MEOX2: variants seen among roughly 807,000 people sequenced by gnomAD.
The protein encoded by MEOX2 is mesenchyme homeobox 2.
MEOX2 carries 11 observed loss-of-function variants against 27.0 expected under a neutral mutation model. That is an observed-to-expected ratio of 0.41 (90% CI 0.26 to 0.68). The LOEUF is 0.68. Among genes scored for constraint, MEOX2 ranks in the 30% least tolerant of loss-of-function variants. MEOX2 has a pLI of 0.33. For missense variants in MEOX2, 436 were observed against 385.4 expected, an observed-to-expected ratio of 1.13 and a Z score of -1.10; for synonymous variants, 189 against 155.4, an observed-to-expected ratio of 1.22 and a Z score of -1.61.
chr7:15,652,958 A>G (rs1379097369), intron 1 of MEOX2, among the ~76,000 whole-genome samples: 1 of 152,064 alleles, frequency 6.6e-6, no homozygotes, highest in East Asian at 1.9e-4. Context: ...AGATATTTGT[A>G]TAAACATGTT....
intron 1 of MEOX2, among the ~76,000 whole-genome samples, chr7:15,662,579 T>C (rs1781934507): frequency 6.6e-6 from 1 of 152,084 alleles, no homozygotes; most frequent in Non-Finnish European, 1.5e-5. Context: ...GGCAATATAA[T>C]TTTTCAAGGT....
intron 1 of MEOX2, among the ~76,000 whole-genome samples, chr7:15,658,136 C>A (rs2115381601): frequency 6.6e-6 from 1 of 152,332 alleles, no homozygotes; most frequent in Non-Finnish European, 1.5e-5. Context: ...AAAGTAGAGA[C>A]TTTCTACGAG....
intron 1 of MEOX2, among the ~76,000 whole-genome samples, chr7:15,657,057 T>C (rs1040569032): frequency 2.6e-5 from 4 of 152,180 alleles, no homozygotes; most frequent in African/African-American, 4.8e-5. Context: ...AAATTTACTA[T>C]CATTGAAAAA....
chr7:15,649,712 G>A (rs570019322), intron 1 of MEOX2, among the ~76,000 whole-genome samples: 3 of 152,128 alleles, frequency 2.0e-5, no homozygotes, highest in East Asian at 1.9e-4. Context: ...GCTGAGGGAC[G>A]AAGTTGAACA....
At chr7:15,676,218 T>C (rs1782189833) in intron 1 of MEOX2, 1 of 152,186 alleles carries the variant, frequency 6.6e-6, no homozygotes, top group Non-Finnish European at 1.5e-5. Flanking sequence ...GTATTAAATA[T>C]GCAAATGTGA....
chr7:15,666,845 C>T (rs1782016341), intron 1 of MEOX2, among the ~76,000 whole-genome samples: 1 of 136,040 alleles, frequency 7.4e-6, no homozygotes, highest in African/African-American at 2.9e-5. Context: ...CAAGAATATC[C>T]TAGGAATAGA....
intron 1 of MEOX2, among the ~76,000 whole-genome samples, chr7:15,656,188 C>T (rs1211916442): frequency 3.3e-5 from 5 of 151,582 alleles, no homozygotes; most frequent in Non-Finnish European, 4.4e-5. Context: ...TTAAAGTTTG[C>T]CTGGTAAATC....
chr7:15,677,891 G>C (rs544054489), intron 1 of MEOX2, among the ~76,000 whole-genome samples: 1 of 152,274 alleles, frequency 6.6e-6, no homozygotes, highest in Non-Finnish European at 1.5e-5. Flanking sequence ...ATATGCAAAA[G>C]TGTTGCCACT....
At chr7:15,667,989 G>T (rs1225514983) in intron 1 of MEOX2, 1 of 152,010 alleles carries the variant, frequency 6.6e-6, no homozygotes, top group Admixed American at 6.6e-5. Flanking sequence ...CCATCCCCTT[G>T]GAATAACATA....
chr7:15,632,429 T>C (rs181401108), intron 1 of MEOX2, among the ~76,000 whole-genome samples: 2 of 151,992 alleles, frequency 1.3e-5, no homozygotes, highest in South Asian at 4.1e-4. Flanking sequence ...GAATTTATTA[T>C]TATGTAATGC....
At chr7:15,631,349 C>T (rs1781398542) in intron 1 of MEOX2, among the ~76,000 whole-genome samples, 1 of 151,714 alleles carries the variant, frequency 6.6e-6, no homozygotes, top group African/African-American at 2.4e-5. Context: ...GTCTAATATG[C>T]TTTCGGGGAG....
chr7:15,630,739 C>T (rs767900562), intron 1 of MEOX2, among the ~76,000 whole-genome samples: 9 of 152,016 alleles, frequency 5.9e-5, no homozygotes, highest in Non-Finnish European at 1.2e-4. Context: ...ATAATTTTTA[C>T]GTAGGCATAG....
At chr7:15,648,017 C>T (rs1452531146) in intron 1 of MEOX2, among the ~76,000 whole-genome samples, 4 of 151,900 alleles carry the variant, frequency 2.6e-5, no homozygotes, top group Admixed American at 1.3e-4. Context: ...GGGAATCTGG[C>T]CTTCAATATG....
At chr7:15,681,516 C>T (rs1265657087) in intron 1 of MEOX2, 1 of 151,646 alleles carries the variant, frequency 6.6e-6, no homozygotes, top group African/African-American at 2.4e-5. Flanking sequence ...ATGGAATTCA[C>T]CTCCCAAATT....
rs188865953 is a variant in MEOX2 at position 15,654,814 on chromosome 7, C to T, written c.518-27896G>A. On this transcript the variant is annotated intron_variant, in intron 1 of 2. Coordinates refer to ENST00000262041, the MANE Select transcript of MEOX2 (RefSeq NM_005924.5). The stretch of plus-strand genomic sequence containing the variant: ...TGCTATTATTTTAAGAATTTTACAT[C>T]TATTTTAATGAGCAATATAACTCTG... Among the ~76,000 whole-genome samples the T allele has an allele frequency of 2.0e-5, 3 of 151,658 alleles. No homozygotes were observed. The East Asian group carries it at 5.8e-4, about 29-fold the overall frequency.
chr7:15,623,692 T>A (rs1256206317), intron 2 of MEOX2, among the ~76,000 whole-genome samples: 1 of 152,160 alleles, frequency 6.6e-6, no homozygotes, highest in Non-Finnish European at 1.5e-5. Flanking sequence ...ATTTAAGATA[T>A]TTTGTGCACA....
chr7:15,615,155 G>A lies in MEOX2; in HGVS notation c.691-2544C>T, dbSNP rs184514569. ...CCCTTTTATTATATACCTATGTAGG[G>A]ATAGACAGCTATACTATTGGTGCTG... On this transcript the variant is annotated intron_variant, in intron 2 of 2. Coordinates refer to ENST00000262041, the MANE Select transcript of MEOX2 (RefSeq NM_005924.5). 2.1e-5 allele frequency among the ~76,000 whole-genome samples: 3 copies of A among 144,938 alleles called. No homozygotes were observed. In the East Asian group the frequency reaches 6.3e-4, roughly 30 times the overall value.
Position 15,612,354 on chromosome 7 carries a change from T to C in MEOX2, c.*33A>G. The stretch of plus-strand genomic sequence containing the variant: ...GTAAGGCTTGCCATCACAACATTTC[T>C]TTCCTGAGAATGGAGCTGGTCCTCT... On this transcript the variant is annotated 3_prime_UTR_variant, in exon 3 of 3. Transcript: ENST00000262041. The C allele has an allele frequency of 1.9e-6, 3 of 1,568,108 alleles. No homozygotes were observed. Among genetic ancestry groups the C allele is most frequent in the Non-Finnish European group, 2.6e-6 (3 of 1,139,086 alleles).
At chr7:15,618,121 C>G (rs1421853215) in intron 2 of MEOX2, among the ~76,000 whole-genome samples, 3 of 151,982 alleles carry the variant, frequency 2.0e-5, no homozygotes, top group Non-Finnish European at 4.4e-5. Context: ...TTCCTTTTAA[C>G]TTGGCCTTTA....
Sources: gnomAD v4.1 joint callset for allele counts (sites outside exome capture counted in the v4.1 genomes callset) on GRCh38, gnomAD v4.1.1 for gene constraint, MANE v1.5 for transcripts, NCBI Gene and HGNC (gene_info 2026-07-23, HGNC 2026-07-21) for gene names.